The following FGFR2 variants were observed in gnomAD, a reference collection of about 807,000 sequenced individuals.
FGFR2 encodes fibroblast growth factor receptor 2.
Under a neutral mutation model 95.9 loss-of-function variants are expected in FGFR2, and 19 were observed. That is an observed-to-expected ratio of 0.20 (90% confidence interval 0.14 to 0.29). The LOEUF is 0.29. FGFR2 is among the 10% of genes least tolerant of loss of function. The probability of loss-of-function intolerance (pLI) is 1.00; values close to 1 mark genes in which losing one functional copy is unlikely to be tolerated. For missense variants in FGFR2, 707 were observed against 1,056.9 expected (o/e 0.67, Z 4.59); for synonymous variants, 392 against 393.3 (o/e 1.00, Z 0.04).
intron 8 of FGFR2, among the ~76,000 whole-genome samples, chr10:121,516,527 G>A (rs1252991668): frequency 6.6e-6 from 1 of 152,126 alleles, no homozygotes; most frequent in Non-Finnish European, 1.5e-5. Flanking sequence ...TTAATAACTG[G>A]AGTGGAACAT....
At chr10:121,548,253 T>G (rs1309031809) in intron 5 of FGFR2, among the ~76,000 whole-genome samples, 4 of 105,498 alleles carry the variant, frequency 3.8e-5, no homozygotes, top group African/African-American at 2.5e-4. Context: ...GCCTTTTTTT[T>G]TTTTTTTTTT....
At chr10:121,573,960 A>G (rs41302279) in intron 2 of FGFR2, among the ~76,000 whole-genome samples, 1 of 152,302 alleles carries the variant, frequency 6.6e-6, no homozygotes, top group East Asian at 1.9e-4. Flanking sequence ...ATGTCGCTAC[A>G]TAGTCACTGC....
At chr10:121,574,115 T>A (rs1054589466) in intron 2 of FGFR2, among the ~76,000 whole-genome samples, 2 of 152,298 alleles carry the variant, frequency 1.3e-5, no homozygotes, top group Non-Finnish European at 1.5e-5. Context: ...CCCAATTCTC[T>A]GTCCGTAGGA....
chr10:121,594,476 C>T (rs1347341880), intron 1 of FGFR2, among the ~76,000 whole-genome samples: 2 of 152,210 alleles, frequency 1.3e-5, no homozygotes, highest in Non-Finnish European at 2.9e-5. Flanking sequence ...AGCAGTCTCC[C>T]ACCCTCACTG....
At chr10:121,548,823 C>T (rs186939837) in intron 5 of FGFR2, among the ~76,000 whole-genome samples, 3 of 152,138 alleles carry the variant, frequency 2.0e-5, no homozygotes. Context: ...ATCCCAGGGG[C>T]CGTGATTTTA....
At chr10:121,480,785 G>T (rs1024753816) in intron 17 of FGFR2, among the ~76,000 whole-genome samples, 2 of 151,984 alleles carry the variant, frequency 1.3e-5, no homozygotes, top group Admixed American at 6.6e-5. Context: ...GCTCCCCAAG[G>T]CATCCAGTGC....
intron 9 of FGFR2, among the ~76,000 whole-genome samples, chr10:121,507,107 C>T (rs937741854): frequency 3.3e-5 from 5 of 152,200 alleles, no homozygotes; most frequent in Non-Finnish European, 5.9e-5. Context: ...CCGTTGCTGC[C>T]CTTCCTGTGC....
intron 6 of FGFR2, among the ~76,000 whole-genome samples, chr10:121,536,249 C>T (rs937295891): frequency 6.6e-6 from 1 of 152,322 alleles, no homozygotes; most frequent in South Asian, 2.1e-4. Context: ...AAAGCAATTA[C>T]TAGGGTTTTG....
Position 121,479,755 on chromosome 10 carries a change from A to G in FGFR2, c.*102T>C. 1 of 1,612,936 alleles carries G rather than the reference A, an allele frequency of 6.2e-7. No individual in the cohort carries two copies. Among genetic ancestry groups the G allele is most frequent in the Admixed American group, 1.7e-5 (1 of 59,990 alleles). On this transcript the variant is annotated 3_prime_UTR_variant, in exon 18 of 18. Coordinates refer to ENST00000358487, the MANE Select transcript of FGFR2 (RefSeq NM_000141.5). ...CCAATTATTTACTCCTCTGATCCAT[A>G]TATACAAGTGGAGACAACAAGCTCT...
intron 5 of FGFR2, among the ~76,000 whole-genome samples, chr10:121,547,096 C>G (rs946130152): frequency 6.6e-6 from 1 of 152,088 alleles, no homozygotes; most frequent in African/African-American, 2.4e-5. Context: ...TGGTGGCGGG[C>G]ACCTGTAATC....
intron 2 of FGFR2, among the ~76,000 whole-genome samples, chr10:121,577,180 GAGA>G (rs1483958593): frequency 1.9e-5 from 1 of 52,660 alleles, no homozygotes; most frequent in African/African-American, 9.2e-5. Flanking sequence ...TATATATATA[GAGA>G]GAGAGAGAGA....
intron 6 of FGFR2, among the ~76,000 whole-genome samples, chr10:121,521,335 A>T (rs1486968072): frequency 3.3e-5 from 5 of 152,176 alleles, no homozygotes; most frequent in Non-Finnish European, 1.5e-5. Flanking sequence ...TCAACAAAGA[A>T]TACACCCTCT....
chr10:121,587,842 C>T (rs1208058735), intron 2 of FGFR2, among the ~76,000 whole-genome samples: 1 of 152,188 alleles, frequency 6.6e-6, no homozygotes, highest in Non-Finnish European at 1.5e-5. Context: ...GGCGATTACT[C>T]AAAGAGGTAA....
At chr10:121,585,211 C>A (rs1268173203) in intron 2 of FGFR2, among the ~76,000 whole-genome samples, 1 of 152,178 alleles carries the variant, frequency 6.6e-6, no homozygotes, top group African/African-American at 2.4e-5. Flanking sequence ...GCAGGATGAT[C>A]CCATTTCTAA....
rs375935265 is a variant in FGFR2 at position 121,565,446 on chromosome 10, T to C, written c.368A>G (p.Asn123Ser). Residue 123 changes from asparagine (N) to serine (S), a missense_variant, in exon 3 of 18, where the codon AAT becomes AGT. Asn to Ser is a conservative substitution (Grantham distance 46). This residue lies in a region of FGFR2 where 178 missense variants were observed against 194.1 expected (regional missense o/e 0.92). Transcript: ENST00000358487. Reference sequence around the variant, plus strand: ...CTGGCGGGCCAACTCACCTGTGACATTCACCATGAAGTACCAAGTTTCACT... The same window carrying C: ...CTGGCGGGCCAACTCACCTGTGACACTCACCATGAAGTACCAAGTTTCACT... ...VDSETWYFMVNVTDAISSGDD... is the reference protein window; with the variant it reads ...VDSETWYFMVSVTDAISSGDD... The C allele has an allele frequency of 6.2e-7, 1 of 1,614,014 alleles. No individual in the cohort carries two copies. Among genetic ancestry groups the C allele is most frequent in the African/African-American group, 1.3e-5 (1 of 74,914 alleles).
intron 6 of FGFR2, among the ~76,000 whole-genome samples, chr10:121,521,664 CAA>C (rs1850564467): frequency 6.8e-6 from 1 of 146,066 alleles, no homozygotes; most frequent in Non-Finnish European, 1.5e-5. Flanking sequence ...AAAAAAAAGA[CAA>C]GTGTCGGCAA....
At chr10:121,563,272 G>A (rs1564995237) in intron 4 of FGFR2, among the ~76,000 whole-genome samples, 1 of 152,202 alleles carries the variant, frequency 6.6e-6, no homozygotes, top group Non-Finnish European at 1.5e-5. Flanking sequence ...TACTCGGGAG[G>A]CTGAGGCAGG....
Position 121,503,915 on chromosome 10 carries a change from C to T in FGFR2, c.1314G>A (p.Met438Ile), listed in dbSNP as rs2134064543. ...TCCTCACCAGCGGGGTGTTGGAGTT[C>T]ATGGAGGAGCTGGACTCAGCCGAAA... ...VTVSAESSSS[M>I]NSNTPLVRIT... The change falls in exon 10 of 18, where the codon ATG (methionine) becomes ATA (isoleucine). Residue 438 changes from methionine (M) to isoleucine (I), a missense_variant. Transcript: ENST00000358487. 1.2e-6 allele frequency: 2 copies of T among 1,614,036 alleles called. No homozygotes were observed. Among genetic ancestry groups the T allele is most frequent in the South Asian group, 1.1e-5 (1 of 91,060 alleles).
At chr10:121,481,425 A>T (rs1364290504) in intron 17 of FGFR2, among the ~76,000 whole-genome samples, 1 of 149,742 alleles carries the variant, frequency 6.7e-6, no homozygotes, top group Non-Finnish European at 1.5e-5. Context: ...CACACACAAA[A>T]CCCTCTAATT....
Sources: allele counts gnomAD v4.1 joint callset (sites outside exome capture counted in the v4.1 genomes callset), GRCh38; gene constraint gnomAD v4.1.1; regional missense constraint gnomAD v4.1.1; transcripts MANE v1.5; gene names NCBI Gene and HGNC (gene_info 2026-07-23, HGNC 2026-07-21).